The following TXNRD3 variants were observed in gnomAD, a reference collection of about 807,000 sequenced individuals.
TXNRD3 encodes TXNRD3 neighbor gene protein.
TXNRD3 carries 68 observed loss-of-function variants against 78.2 expected under a neutral mutation model. The observed-to-expected ratio is 0.87, with a 90% confidence interval of 0.72 to 1.06. TXNRD3 has a LOEUF of 1.06. TXNRD3 is among the 50% of genes least tolerant of loss of function. TXNRD3 has a pLI of 0.00. For synonymous variants in TXNRD3, 296 were observed against 300.1 expected (o/e 0.99, Z 0.14); for missense variants, 751 against 809.5 (o/e 0.93, Z 0.88).
At chr3:126,610,948 T>A in intron 14 of TXNRD3, 89 bp downstream of exon 14, 1 of 729,158 alleles carries the variant, frequency 1.4e-6, no homozygotes, top group Non-Finnish European at 2.0e-6. Context: ...ATCCCGTCTC[T>A]AAAAAAAAAA....
intron 10 of TXNRD3, 99 bp downstream of exon 10, chr3:126,629,280 T>TA (rs1257348539): frequency 2.2e-6 from 2 of 906,762 alleles, no homozygotes; most frequent in Non-Finnish European, 3.2e-6. Context: ...ATAAAAAAAG[T>TA]AAAAAAATGT....
Position 126,643,990 on chromosome 3 carries a change from T to A in TXNRD3, c.583A>T (p.Thr195Ser), listed in dbSNP as rs1485509066. The A allele has an allele frequency of 2.0e-6, 3 of 1,535,554 alleles. No homozygotes were observed. Among genetic ancestry groups the A allele is most frequent in the African/African-American group, 2.7e-5 (2 of 73,014 alleles). The change falls in exon 5 of 16, where the codon ACA (threonine) becomes TCA (serine). Residue 195 changes from threonine to serine, a missense_variant. Physicochemically the swap from Thr to Ser is moderately conservative, Grantham distance 58. Transcript: ENST00000524230. ...GAGAAAAACAACTTACCCCAGGATG[T>A]GCCCTGAGGTGACGGGACAACAAAG...
chr3:126,641,701 TATA>T (rs1378180833), intron 6 of TXNRD3, among the ~76,000 whole-genome samples: 1 of 152,234 alleles, frequency 6.6e-6, no homozygotes, highest in Non-Finnish European at 1.5e-5. Flanking sequence ...GAAAAAATGT[TATA>T]ATAACAGATA....
chr3:126,630,974 G>T, intron 8 of TXNRD3, 37 bp from the exon 9 acceptor site: 1 of 1,511,574 alleles, frequency 6.6e-7, no homozygotes, highest in South Asian at 1.2e-5. Context: ...TACCTAGGCA[G>T]CAAGAATGAA....
chr3:126,645,281 T>C (rs1287945067), intron 3 of TXNRD3, among the ~76,000 whole-genome samples: 1 of 152,234 alleles, frequency 6.6e-6, no homozygotes, highest in East Asian at 1.9e-4. Context: ...TATCTTTCTG[T>C]CTTGAAATAA....
intron 7 of TXNRD3, among the ~76,000 whole-genome samples, chr3:126,632,405 T>A (rs2107619543): frequency 6.6e-6 from 1 of 151,952 alleles, no homozygotes; most frequent in Admixed American, 6.5e-5. Flanking sequence ...TTTAAAAAAA[T>A]TCAAATACTT....
At chr3:126,643,947 G>A (rs1933156464) in intron 5 of TXNRD3, 34 bp downstream of exon 5, 2 of 1,516,280 alleles carry the variant, frequency 1.3e-6, no homozygotes, top group South Asian at 2.4e-5. Context: ...CATATGTAAA[G>A]AGCAGAGAGG....
chr3:126,616,307 C>A (rs1160432804), intron 12 of TXNRD3, among the ~76,000 whole-genome samples: 1 of 152,176 alleles, frequency 6.6e-6, no homozygotes, highest in African/African-American at 2.4e-5. Context: ...TCAAAAGACA[C>A]CACCATCCAC....
chr3:126,641,769 G>A (rs1285735666), intron 6 of TXNRD3, among the ~76,000 whole-genome samples: 1 of 152,082 alleles, frequency 6.6e-6, no homozygotes. Context: ...AAAGAAGTCT[G>A]AAAATAGCGA....
chr3:126,615,426 G>T lies in TXNRD3; in HGVS notation c.1561C>A (p.Pro521Thr). The change falls in exon 13 of 16, where the codon CCT (proline) becomes ACT (threonine). Residue 521 changes from proline (P) to threonine (T), a missense_variant. Coordinates refer to ENST00000524230, the MANE Select transcript of TXNRD3 (RefSeq NM_052883.3). ...AATCCACAGCAACCATACTCCAGAG[G>T]AGTAAACACTGTAGTCGGAACATTA... is the stretch of plus-strand genomic sequence containing the variant. The T allele has an allele frequency of 2.0e-6, 3 of 1,517,902 alleles. No homozygotes were observed. Among genetic ancestry groups the T allele is most frequent in the South Asian group, 1.2e-5 (1 of 80,494 alleles). 94.0% of individuals were successfully genotyped at this position (1,517,902 alleles called of 1,614,324 possible). A position where few individuals can be genotyped will look rare whatever the true frequency, so the allele number is the denominator to read the frequency against.
chr3:126,628,524 C>T (rs1438441321), intron 10 of TXNRD3, among the ~76,000 whole-genome samples: 7 of 151,912 alleles, frequency 4.6e-5, no homozygotes, highest in Non-Finnish European at 8.8e-5. Flanking sequence ...TTTGTATACA[C>T]TAGAAACACT....
At chr3:126,641,904 G>T in intron 6 of TXNRD3, 128 bp downstream of exon 6, 1 of 1,200,088 alleles carries the variant, frequency 8.3e-7, no homozygotes, top group Non-Finnish European at 1.1e-6. Flanking sequence ...GGCTGACACA[G>T]TAGCTTCCTA....
intron 6 of TXNRD3, among the ~76,000 whole-genome samples, chr3:126,637,505 T>G (rs1005498031): frequency 6.6e-5 from 10 of 152,176 alleles, no homozygotes; most frequent in African/African-American, 2.2e-4. Flanking sequence ...TTATTTACAT[T>G]TTCCTGCTAT....
intron 5 of TXNRD3, 86 bp downstream of exon 5, chr3:126,643,895 A>C (rs1333994172): frequency 1.1e-5 from 14 of 1,282,330 alleles, no homozygotes; most frequent in Non-Finnish European, 1.5e-5. Context: ...ATACCTCTTG[A>C]GATTGTTGTG....
intron 6 of TXNRD3, among the ~76,000 whole-genome samples, chr3:126,634,282 T>C (rs1938796339): frequency 6.6e-6 from 1 of 152,140 alleles, no homozygotes. Flanking sequence ...GAAAAGTCCA[T>C]GGAGGAGAAA....
At chr3:126,632,356 A>G (rs556873568) in intron 7 of TXNRD3, among the ~76,000 whole-genome samples, 7 of 152,146 alleles carry the variant, frequency 4.6e-5, no homozygotes, top group Non-Finnish European at 1.0e-4. Flanking sequence ...GTTGCTCACA[A>G]TTTTTAATTA....
chr3:126,631,744 AAT>A lies in TXNRD3; in HGVS notation c.971+18_971+19del. 1 of 1,392,668 alleles carries A rather than the reference AAT, an allele frequency of 7.2e-7. No individual in the cohort carries two copies. Among genetic ancestry groups the A allele is most frequent in the Non-Finnish European group, 9.8e-7 (1 of 1,017,482 alleles). 86.3% of individuals were successfully genotyped at this position (1,392,668 alleles called of 1,614,324 possible). On this transcript the variant is annotated intron_variant, in intron 8 of 15. Transcript: ENST00000524230. ...TTCAATTTATTAACATTAAAGTTAA[AAT>A]AGTCTATTTAACCTTACCTAGTAAT...
chr3:126,655,113 G>C lies in TXNRD3; in HGVS notation c.-123C>G. 1 of 1,292,202 alleles carries C rather than the reference G, an allele frequency of 7.7e-7. No homozygotes were observed. Among genetic ancestry groups the C allele is most frequent in the Non-Finnish European group, 9.8e-7 (1 of 1,018,354 alleles). 80.0% of individuals were successfully genotyped at this position (1,292,202 alleles called of 1,614,324 possible). On this transcript the variant is annotated 5_prime_UTR_variant, in exon 1 of 16. Transcript: ENST00000524230. ...CCCTCGCTGGCCACTCTCACCACCC[G>C]CGCGAATCCGCGAGGCAGCCGCTCG...
intron 13 of TXNRD3, among the ~76,000 whole-genome samples, chr3:126,614,622 T>C (rs898384171): frequency 1.3e-5 from 2 of 152,198 alleles, no homozygotes; most frequent in African/African-American, 4.8e-5. Flanking sequence ...AAAGTTTTAA[T>C]CACACATTTC....
Sources: allele counts gnomAD v4.1 joint callset (sites outside exome capture counted in the v4.1 genomes callset), GRCh38; gene constraint gnomAD v4.1.1; transcripts MANE v1.5; gene names NCBI Gene and HGNC (gene_info 2026-07-23, HGNC 2026-07-21).